Variants in RHOBTB1 observed in about 807,000 individuals in gnomAD.
RHOBTB1 encodes the protein Rho related BTB domain containing 1, also known as rho-related BTB domain-containing protein 1.
In RHOBTB1, 40 loss-of-function variants were observed where a neutral mutation model predicts 71.6. The observed-to-expected ratio is 0.56, with a 90% CI of 0.43 to 0.73. RHOBTB1 has a LOEUF of 0.73. Among genes scored for constraint, RHOBTB1 ranks in the 30% least tolerant of loss-of-function variants. The probability of loss-of-function intolerance (pLI) is 0.00; values close to 1 mark genes in which losing one functional copy is unlikely to be tolerated. For missense variants in RHOBTB1, 797 were observed against 894.0 expected (o/e 0.89, Z 1.38); for synonymous variants, 319 against 334.9 (o/e 0.95, Z 0.52).
intron 7 of RHOBTB1, among the ~76,000 whole-genome samples, chr10:60,885,522 C>T (rs1388961669): frequency 6.6e-6 from 1 of 152,120 alleles, no homozygotes; most frequent in Non-Finnish European, 1.5e-5. Context: ...ACCCTCATAT[C>T]CCCTCAACAC....
downstream of RHOBTB1, among the ~76,000 whole-genome samples, chr10:60,866,510 C>A (rs1223804218): frequency 6.6e-6 from 1 of 152,098 alleles, no homozygotes; most frequent in African/African-American, 2.4e-5. Context: ...GAGGGCCTTG[C>A]GTTGACTGAG....
intron 1 of RHOBTB1, among the ~76,000 whole-genome samples, chr10:60,986,699 C>T (rs920870564): frequency 1.1e-4 from 17 of 151,868 alleles, no homozygotes; most frequent in Admixed American, 3.9e-4. Flanking sequence ...TTTATGAGTA[C>T]GACTGACTAC....
At chr10:60,929,217 C>G (rs1350374761) in intron 2 of RHOBTB1, among the ~76,000 whole-genome samples, 1 of 152,016 alleles carries the variant, frequency 6.6e-6, no homozygotes, top group Non-Finnish European at 1.5e-5. Flanking sequence ...CACCCAATTA[C>G]CATGATTTGA....
intron 2 of RHOBTB1, among the ~76,000 whole-genome samples, chr10:60,978,072 T>G (rs1347090196): frequency 2.0e-5 from 3 of 152,192 alleles, no homozygotes; most frequent in Non-Finnish European, 4.4e-5. Context: ...AAGCAGTTTA[T>G]AAACCATAAA....
intron 9 of RHOBTB1, among the ~76,000 whole-genome samples, chr10:60,873,966 A>C (rs1357808202): frequency 1.3e-5 from 2 of 152,206 alleles, no homozygotes; most frequent in African/African-American, 4.8e-5. Context: ...TGTAAAGTTC[A>C]ATTCCGCCTT....
chr10:60,967,267 G>A (rs1156641754), intron 2 of RHOBTB1, among the ~76,000 whole-genome samples: 4 of 147,574 alleles, frequency 2.7e-5, no homozygotes, highest in Non-Finnish European at 6.0e-5. Flanking sequence ...ATACATTTAG[G>A]TTTTTCTTTG....
intron 1 of RHOBTB1, among the ~76,000 whole-genome samples, chr10:60,995,072 T>C (rs2087002346): frequency 6.6e-6 from 1 of 151,952 alleles, no homozygotes; most frequent in Non-Finnish European, 1.5e-5. Context: ...TACATTAAGG[T>C]GTGACTAAAG....
rs146529631 is a variant in RHOBTB1, at chr10:60,904,226, C to T, written c.296+6661G>A. On this transcript the variant is annotated intron_variant, in intron 4 of 10. Coordinates refer to ENST00000337910, the MANE Select transcript of RHOBTB1 (RefSeq NM_014836.5). The stretch of plus-strand genomic sequence containing the variant: ...CCTCCCAGAGTGCTGGGATTATAGG[C>T]ATGAGCCATTGCACCTGGCCTATTT... Among the ~76,000 whole-genome samples, 726 of 152,290 alleles carry T rather than the reference C, an allele frequency of 4.8e-3. 22 individuals carry two copies. The highest frequency in any genetic ancestry group is 3.3e-3 in the East Asian group (17 of 5,184).
At chr10:60,863,839 C>G in the RHOBTB1 span, among the ~76,000 whole-genome samples, 1 of 152,164 alleles carries the variant, frequency 6.6e-6, no homozygotes, top group Non-Finnish European at 1.5e-5. Flanking sequence ...TCCCTTGCAT[C>G]CTTTTAAACT....
upstream of RHOBTB1, among the ~76,000 whole-genome samples, chr10:60,944,570 C>T (rs1050241969): frequency 1.3e-5 from 2 of 152,208 alleles, no homozygotes; most frequent in African/African-American, 4.8e-5. Flanking sequence ...CCCCGTACCC[C>T]TGCCCCAACA....
chr10:60,972,197 C>T (rs2086180634), intron 2 of RHOBTB1, among the ~76,000 whole-genome samples: 1 of 152,066 alleles, frequency 6.6e-6, no homozygotes, highest in South Asian at 2.1e-4. Context: ...GAGTTTATAC[C>T]CAAATGATTA....
chr10:60,936,530 A>G (rs925213958), intron 2 of RHOBTB1, among the ~76,000 whole-genome samples: 1 of 152,198 alleles, frequency 6.6e-6, no homozygotes, highest in Admixed American at 6.5e-5. Context: ...CTCTATTATG[A>G]TTTAAGAAAC....
intron 1 of RHOBTB1, 48 bp from the exon 2 acceptor site, chr10:60,941,902 G>A (rs2084920793): frequency 6.6e-6 from 1 of 152,166 alleles, no homozygotes; most frequent in South Asian, 2.1e-4. Context: ...CCTGCCAGGA[G>A]TACATGGGGA....
At chr10:60,933,591 G>A (rs1023817110) in intron 2 of RHOBTB1, among the ~76,000 whole-genome samples, 2 of 151,792 alleles carry the variant, frequency 1.3e-5, no homozygotes, top group African/African-American at 4.8e-5. Flanking sequence ...GTGGTGGCAC[G>A]TGCCTGTAGT....
rs185758560 is a variant in RHOBTB1 at position 60,998,105 on chromosome 10, T to A, written c.-163+3294A>T. 3.9e-3 allele frequency among the ~76,000 whole-genome samples: 596 copies of A among 152,314 alleles called. 3 individuals are homozygous for A. Among genetic ancestry groups the A allele is most frequent in the Non-Finnish European group, 6.9e-3 (470 of 68,024 alleles). On this transcript the variant is annotated intron_variant, in intron 1 of 11. Coordinates refer to the RHOBTB1 transcript ENST00000357917. ...CCGTAAAATATGGGGTTGTACTAGG[T>A]GCAGTGTGTCCATTTGTCCTGTGTG...
chr10:60,962,711 G>GA (rs1392502049), intron 2 of RHOBTB1, among the ~76,000 whole-genome samples: 2 of 152,024 alleles, frequency 1.3e-5, no homozygotes, highest in Non-Finnish European at 2.9e-5. Flanking sequence ...CATGATCTTG[G>GA]AAAAAACTGC....
At chr10:60,960,155 G>C (rs1276421949) in intron 2 of RHOBTB1, among the ~76,000 whole-genome samples, 2 of 152,132 alleles carry the variant, frequency 1.3e-5, no homozygotes, top group Non-Finnish European at 2.9e-5. Context: ...AGACATTCTT[G>C]TATGATTTAA....
intron 2 of RHOBTB1, among the ~76,000 whole-genome samples, chr10:60,913,363 C>T (rs2083093107): frequency 6.6e-6 from 1 of 152,188 alleles, no homozygotes; most frequent in South Asian, 2.1e-4. Flanking sequence ...AGTCAGATAC[C>T]TGTCCACCTG....
intron 4 of RHOBTB1, among the ~76,000 whole-genome samples, chr10:60,894,606 A>G (rs951159891): frequency 3.3e-5 from 5 of 152,210 alleles, no homozygotes; most frequent in African/African-American, 9.6e-5. Context: ...TGAGTTTTCT[A>G]TTATTCATAA....
Sources: allele counts gnomAD v4.1 joint callset (sites outside exome capture counted in the v4.1 genomes callset), GRCh38; gene constraint gnomAD v4.1.1; transcripts MANE v1.5; gene names NCBI Gene and HGNC (gene_info 2026-07-23, HGNC 2026-07-21).